Variants in ZBTB20 observed in about 807,000 individuals in gnomAD.
ZBTB20 encodes the protein zinc finger and BTB domain containing 20.
A neutral mutation model predicts 56.9 loss-of-function variants in ZBTB20; 9 were observed. That is an observed-to-expected ratio of 0.16 (90% CI 0.10 to 0.28). The LOEUF (loss-of-function observed/expected upper bound fraction) is 0.28, where lower values mean the gene tolerates loss of function less well. Ranked by LOEUF, ZBTB20 falls within the 10% of genes least tolerant of loss-of-function variation. ZBTB20 has a pLI of 1.00. For missense variants in ZBTB20, 655 were observed against 1,003.0 expected, an observed-to-expected ratio of 0.65 and a Z score of 4.69; for synonymous variants, 417 against 420.7, an observed-to-expected ratio of 0.99 and a Z score of 0.11.
intron 11 of ZBTB20, among the ~76,000 whole-genome samples, chr3:114,343,548 G>C (rs901588844): frequency 2.0e-5 from 3 of 152,232 alleles, no homozygotes; most frequent in African/African-American, 7.2e-5. Context: ...GGAGAAAGAG[G>C]AGAAGGTGGG....
At chr3:114,644,515 A>C (rs2059735012) in intron 6 of ZBTB20, among the ~76,000 whole-genome samples, 1 of 152,130 alleles carries the variant, frequency 6.6e-6, no homozygotes, top group African/African-American at 2.4e-5. Flanking sequence ...CAGCATTACT[A>C]ATCATCAGAG....
chr3:114,822,998 A>T (rs2073338514), intron 4 of ZBTB20, among the ~76,000 whole-genome samples: 1 of 152,126 alleles, frequency 6.6e-6, no homozygotes, highest in Non-Finnish European at 1.5e-5. Context: ...GAAAAGGATG[A>T]TTATTTTTAA....
intron 7 of ZBTB20, among the ~76,000 whole-genome samples, chr3:114,427,379 A>G (rs2089765487): frequency 6.6e-6 from 1 of 152,242 alleles, no homozygotes; most frequent in Non-Finnish European, 1.5e-5. Flanking sequence ...CACCAAAGAA[A>G]TATGTCCCTC....
intron 4 of ZBTB20, among the ~76,000 whole-genome samples, chr3:114,822,701 A>G (rs2073321647): frequency 6.6e-6 from 1 of 152,100 alleles, no homozygotes; most frequent in East Asian, 1.9e-4. Context: ...GTTACATACT[A>G]TAAAGCACCA....
chr3:114,717,253 G>C (rs1380131882), intron 5 of ZBTB20, among the ~76,000 whole-genome samples: 1 of 152,144 alleles, frequency 6.6e-6, no homozygotes, highest in Non-Finnish European at 1.5e-5. Context: ...ATTTCTACTA[G>C]AGAGAGGTTT....
At position 114,668,522 on chromosome 3, in the gene ZBTB20, G is replaced by A. The variant is rs192343068; in HGVS notation, c.-295+25006C>T. ...CAGGTTCTGATCCCCTAAAATCAGT[G>A]GAATAAAACCTTGTTTGTGTAACTG... On this transcript the variant is annotated intron_variant, in intron 6 of 11. Coordinates refer to ENST00000675478, the MANE Select transcript of ZBTB20 (RefSeq NM_001348800.3). Among the ~76,000 whole-genome samples the A allele has an allele frequency of 3.9e-3, 598 of 152,084 alleles. 18 individuals carry two copies. Among genetic ancestry groups the A allele is most frequent in the Admixed American group, 0.034 (519 of 15,226 alleles).
At chr3:114,879,517 C>A (rs977841380) in intron 4 of ZBTB20, among the ~76,000 whole-genome samples, 1 of 152,108 alleles carries the variant, frequency 6.6e-6, no homozygotes, top group Non-Finnish European at 1.5e-5. Flanking sequence ...TAAAAACAGC[C>A]TTAAATTGCA....
intron 5 of ZBTB20, among the ~76,000 whole-genome samples, chr3:114,738,661 T>TA (rs1471542598): frequency 6.6e-6 from 1 of 152,082 alleles, no homozygotes; most frequent in African/African-American, 2.4e-5. Context: ...GGCACATGCA[T>TA]AAAAAACAGG....
intron 4 of ZBTB20, among the ~76,000 whole-genome samples, chr3:114,859,013 C>G (rs1339112972): frequency 6.6e-6 from 1 of 152,084 alleles, no homozygotes; most frequent in Non-Finnish European, 1.5e-5. Flanking sequence ...TTATTAAAAA[C>G]AGAAATTGCA....
At chr3:114,628,095 A>G (rs1483350275) in intron 6 of ZBTB20, among the ~76,000 whole-genome samples, 5 of 152,144 alleles carry the variant, frequency 3.3e-5, no homozygotes, top group African/African-American at 1.2e-4. Flanking sequence ...CTAAGATTCT[A>G]TGGTTCTATA....
intron 1 of ZBTB20, among the ~76,000 whole-genome samples, chr3:115,146,956 C>T (rs2085007582): frequency 6.6e-6 from 1 of 150,738 alleles, no homozygotes; most frequent in Admixed American, 6.6e-5. Context: ...AGGCAGCCGC[C>T]GGGCGCTAAG....
intron 4 of ZBTB20, among the ~76,000 whole-genome samples, chr3:114,808,704 C>T (rs1694844978): frequency 6.6e-6 from 1 of 151,530 alleles, no homozygotes; most frequent in South Asian, 2.1e-4. Flanking sequence ...TTGTTATATC[C>T]TTCCTTCTGT....
intron 1 of ZBTB20, among the ~76,000 whole-genome samples, chr3:115,130,555 T>C (rs973764933): frequency 2.6e-5 from 4 of 152,164 alleles, no homozygotes; most frequent in Non-Finnish European, 5.9e-5. Context: ...AAATCATTTG[T>C]AGATGTTTAT....
chr3:114,792,870 CTTTTTCTT>C (rs1182402987), intron 5 of ZBTB20, among the ~76,000 whole-genome samples: 16 of 106,474 alleles, frequency 1.5e-4, no homozygotes, highest in African/African-American at 5.4e-4. Context: ...TTTTCTTTTT[CTTTTTCTT>C]TTTTTTTTTT....
chr3:114,427,994 G>T (rs908387409), intron 7 of ZBTB20, among the ~76,000 whole-genome samples: 1 of 152,176 alleles, frequency 6.6e-6, no homozygotes. Context: ...CGGGGACTGG[G>T]GGGCATGCCC....
chr3:115,104,514 C>T (rs75705627), intron 1 of ZBTB20, among the ~76,000 whole-genome samples: 2 of 151,868 alleles, frequency 1.3e-5, no homozygotes, highest in Admixed American at 6.6e-5. Context: ...AGTGCTAAAA[C>T]GAAATGAGAT....
At chr3:114,901,265 C>CAAAAA (rs60746426) in intron 3 of ZBTB20, among the ~76,000 whole-genome samples, 1 of 125,256 alleles carries the variant, frequency 8.0e-6, no homozygotes, top group Non-Finnish European at 1.7e-5. Flanking sequence ...GGCTCCATCT[C>CAAAAA]AAAAAAAAAA....
intron 4 of ZBTB20, among the ~76,000 whole-genome samples, chr3:114,899,848 C>T (rs1489879188): frequency 6.6e-6 from 1 of 151,984 alleles, no homozygotes; most frequent in Admixed American, 6.6e-5. Flanking sequence ...TTTTCCCATT[C>T]GTCTAGTGCT....
intron 5 of ZBTB20, among the ~76,000 whole-genome samples, chr3:114,717,710 G>A (rs756166961): frequency 2.6e-5 from 4 of 151,906 alleles, no homozygotes; most frequent in Non-Finnish European, 4.4e-5. Flanking sequence ...AGTTATTACC[G>A]TATCTTCACT....
Sources: gnomAD v4.1 joint callset for allele counts (sites outside exome capture counted in the v4.1 genomes callset) on GRCh38, gnomAD v4.1.1 for gene constraint, MANE v1.5 for transcripts, NCBI Gene and HGNC (gene_info 2026-07-23, HGNC 2026-07-21) for gene names.